The following SYCP2L variants were observed in gnomAD, a reference collection of about 807,000 sequenced individuals.
The protein encoded by SYCP2L is synaptonemal complex protein 2 like.
In SYCP2L, 98 loss-of-function variants were observed where a neutral mutation model predicts 125.8. That is an observed-to-expected ratio of 0.78 (90% CI 0.66 to 0.92). SYCP2L has a LOEUF of 0.92. SYCP2L is among the 40% of genes least tolerant of loss of function. The pLI is 0.00. For missense variants in SYCP2L, 842 were observed against 936.4 expected, an observed-to-expected ratio of 0.90 and a Z score of 1.32; for synonymous variants, 317 against 325.4, an observed-to-expected ratio of 0.97 and a Z score of 0.28.
chr6:10,889,528 TG>T (rs1188306849), intron 1 of SYCP2L, among the ~76,000 whole-genome samples: 1 of 152,100 alleles, frequency 6.6e-6, no homozygotes, highest in Non-Finnish European at 1.5e-5. Flanking sequence ...TCCAGCTAGC[TG>T]TAATTTTGTG....
intron 4 of SYCP2L, among the ~76,000 whole-genome samples, chr6:10,897,410 CTTTT>C (rs5874295): frequency 7.7e-6 from 1 of 129,848 alleles, no homozygotes; most frequent in Non-Finnish European, 1.7e-5. Context: ...TCACTTATCT[CTTTT>C]TTTTTTTTTT....
At chr6:10,925,973 G>T (rs1004212472) in intron 15 of SYCP2L, among the ~76,000 whole-genome samples, 1 of 152,174 alleles carries the variant, frequency 6.6e-6, no homozygotes, top group Non-Finnish European at 1.5e-5. Flanking sequence ...AAAGGGGTTG[G>T]ACTGAGGACC....
chr6:10,963,540 T>C (rs568286035), intron 28 of SYCP2L, among the ~76,000 whole-genome samples: 3 of 152,336 alleles, frequency 2.0e-5, no homozygotes, highest in Non-Finnish European at 4.4e-5. Flanking sequence ...AGTGCTTTGA[T>C]GGTGCCCATG....
At chr6:10,918,514 C>A (rs1780728833) in intron 14 of SYCP2L, among the ~76,000 whole-genome samples, 1 of 151,190 alleles carries the variant, frequency 6.6e-6, no homozygotes, top group African/African-American at 2.4e-5. Context: ...AATTCGAAGA[C>A]CTTGTCTTCG....
chr6:10,896,007 G>C (rs765140697), intron 4 of SYCP2L, among the ~76,000 whole-genome samples: 1 of 152,080 alleles, frequency 6.6e-6, no homozygotes, highest in Admixed American at 6.5e-5. Flanking sequence ...ACAAAAATTA[G>C]CTGGGCAGTG....
Position 10,912,932 on chromosome 6 carries a change from T to C in SYCP2L, c.1072+5T>C, listed in dbSNP as rs1235319469. ...TGATGAATTTCAGCATAACAGGTAA[T>C]ATGATACATTTAAACAACCCACGTC... On this transcript the variant is annotated splice_donor_5th_base_variant and intron_variant, in intron 14 of 29. Coordinates refer to ENST00000283141, the MANE Select transcript of SYCP2L (RefSeq NM_001040274.3). This position sits in a 1 kb window ranked among gnomAD's most constrained non-coding sequence, Gnocchi z 4.1. 1 of 1,613,008 alleles carries C rather than the reference T, an allele frequency of 6.2e-7. No homozygotes were observed. Among genetic ancestry groups the C allele is most frequent in the South Asian group, 1.1e-5 (1 of 91,040 alleles).
At chr6:10,911,757 C>T (rs1561684828) in intron 12 of SYCP2L, among the ~76,000 whole-genome samples, 1 of 151,968 alleles carries the variant, frequency 6.6e-6, no homozygotes, top group Non-Finnish European at 1.5e-5. Context: ...TGGGTGAAAG[C>T]CCTCATTCAC....
chr6:10,888,939 G>A (rs1156568884), intron 1 of SYCP2L, among the ~76,000 whole-genome samples: 1 of 151,986 alleles, frequency 6.6e-6, no homozygotes, highest in Non-Finnish European at 1.5e-5. Flanking sequence ...TCGGCTCACT[G>A]CAACCTCCAC....
Position 10,973,969 on chromosome 6 carries a change from C to G in SYCP2L, c.*55C>G, listed in dbSNP as rs765052531. 3 of 152,222 alleles carry G rather than the reference C, an allele frequency of 2.0e-5. No individual in the cohort carries two copies. Among genetic ancestry groups the G allele is most frequent in the African/African-American group, 7.2e-5 (3 of 41,434 alleles). The allele number at this position is 152,222 out of a possible 1,614,324, so 9.4% of individuals were successfully genotyped here. A position where few individuals can be genotyped will look rare whatever the true frequency, so the allele number is the denominator to read the frequency against. On this transcript the variant is annotated 3_prime_UTR_variant, in exon 30 of 30. Coordinates refer to ENST00000283141, the MANE Select transcript of SYCP2L (RefSeq NM_001040274.3). ...TCTGCCAGCCTGGGCTGCCTGAAGACGAAGAGAAAGAGCAAGGTTATTGTT... is the reference window on the plus strand; with the variant it reads ...TCTGCCAGCCTGGGCTGCCTGAAGAGGAAGAGAAAGAGCAAGGTTATTGTT...
At chr6:10,899,523 G>A (rs905687433) in intron 6 of SYCP2L, among the ~76,000 whole-genome samples, 1 of 152,290 alleles carries the variant, frequency 6.6e-6, no homozygotes, top group Non-Finnish European at 1.5e-5. Context: ...ACTCCAGCCT[G>A]GGTGACAGCG....
At chr6:10,956,562 A>AC (rs900378622) in intron 25 of SYCP2L, among the ~76,000 whole-genome samples, 3 of 151,942 alleles carry the variant, frequency 2.0e-5, no homozygotes, top group Non-Finnish European at 4.4e-5. Flanking sequence ...TATTCCTACC[A>AC]CCCCCCAAGA....
intron 20 of SYCP2L, among the ~76,000 whole-genome samples, chr6:10,933,857 C>G (rs1480151616): frequency 6.6e-6 from 1 of 152,064 alleles, no homozygotes; most frequent in Admixed American, 6.5e-5. Flanking sequence ...TGTAATTTTC[C>G]TGCCAATTAA....
chr6:10,950,332 ATTC>A (rs1312499736), intron 23 of SYCP2L, among the ~76,000 whole-genome samples: 1 of 152,100 alleles, frequency 6.6e-6, no homozygotes, highest in African/African-American at 2.4e-5. Flanking sequence ...TGCCGTACTT[ATTC>A]TTCTGACCCT....
chr6:10,939,371 A>T (rs1244486951), intron 21 of SYCP2L, among the ~76,000 whole-genome samples: 1 of 152,236 alleles, frequency 6.6e-6, no homozygotes, highest in Non-Finnish European at 1.5e-5. Context: ...AATAGAAAAA[A>T]CTATCCTAAA....
intron 14 of SYCP2L, among the ~76,000 whole-genome samples, chr6:10,921,805 A>G (rs1780803866): frequency 6.6e-6 from 1 of 151,492 alleles, no homozygotes; most frequent in African/African-American, 2.4e-5. Flanking sequence ...TCCTGGGTTC[A>G]TGCCATTCTT....
At chr6:10,921,831 G>A (rs1474842625) in intron 14 of SYCP2L, among the ~76,000 whole-genome samples, 13 of 151,578 alleles carry the variant, frequency 8.6e-5, no homozygotes, top group Admixed American at 6.6e-4. Context: ...TCAGCCTCCC[G>A]AGTAGCTGGG....
At chr6:10,926,538 G>T (rs1042495454) in intron 16 of SYCP2L, 106 bp downstream of exon 16, 13 of 778,756 alleles carry the variant, frequency 1.7e-5, no homozygotes, top group Admixed American at 9.4e-5. Flanking sequence ...AGTGATGCGT[G>T]TCTGATGGCA....
intron 23 of SYCP2L, among the ~76,000 whole-genome samples, chr6:10,951,996 G>A (rs187782747): frequency 7.9e-5 from 12 of 152,210 alleles, no homozygotes; most frequent in Admixed American, 4.6e-4. Flanking sequence ...GAAGAAAGCC[G>A]GGTTCTTGTG....
At chr6:10,943,726 T>C (rs16870836) in intron 23 of SYCP2L, among the ~76,000 whole-genome samples, 4,133 of 152,258 alleles carry the variant, frequency 0.027, 153 homozygotes, top group East Asian at 0.2. Flanking sequence ...AGTTACTTCT[T>C]TTTATAATTT....
Sources: allele counts gnomAD v4.1 joint callset (sites outside exome capture counted in the v4.1 genomes callset), GRCh38; gene constraint gnomAD v4.1.1; non-coding constraint Gnocchi (gnomAD v3.1); transcripts MANE v1.5; gene names NCBI Gene and HGNC (gene_info 2026-07-23, HGNC 2026-07-21).